Variants in RABGAP1 observed in about 807,000 individuals in gnomAD.
RABGAP1 encodes the protein rab GTPase-activating protein 1.
In RABGAP1, 23 loss-of-function variants were observed where a neutral mutation model predicts 137.6. The observed-to-expected ratio is 0.17, with a 90% CI of 0.12 to 0.24. RABGAP1 has a LOEUF of 0.24. Ranked by LOEUF, RABGAP1 falls within the 10% of genes least tolerant of loss-of-function variation. RABGAP1 has a pLI of 1.00. For synonymous variants in RABGAP1, 451 were observed against 450.7 expected (o/e 1.00, Z -0.01); for missense variants, 906 against 1,275.8 (o/e 0.71, Z 4.42).
At chr9:123,086,648 C>T (rs2034876024) in intron 19 of RABGAP1, among the ~76,000 whole-genome samples, 1 of 129,004 alleles carries the variant, frequency 7.8e-6, no homozygotes, top group Non-Finnish European at 1.6e-5. Flanking sequence ...CCATGAGAAG[C>T]TATGGTGTTT....
intron 10 of RABGAP1, among the ~76,000 whole-genome samples, chr9:122,999,363 G>A (rs754027239): frequency 9.5e-5 from 14 of 147,302 alleles, no homozygotes; most frequent in Non-Finnish European, 1.8e-4. Flanking sequence ...TTTTTTTTTT[G>A]TAATTTTAGT....
rs144267431 is a variant in RABGAP1 at position 123,045,664 on chromosome 9, A to T, written c.1795-19684A>T. ...GTATTATAGGAGTTGGTTTAAGATC[A>T]GTTGCATATTATGTTAATAGTAAGG... On this transcript the variant is annotated intron_variant, in intron 13 of 25. Transcript: ENST00000373647. 5.8e-4 allele frequency among the ~76,000 whole-genome samples: 88 copies of T among 152,296 alleles called. 1 individual carries two copies. In the East Asian group the frequency reaches 0.016, roughly 27 times the overall value.
At chr9:123,016,562 T>TTTA (rs10693315) in intron 12 of RABGAP1, among the ~76,000 whole-genome samples, 115,335 of 151,822 alleles carry the variant, frequency 0.76, 45,645 homozygotes, top group Middle Eastern at 0.89. Flanking sequence ...CCTTTAGGTA[T>TTTA]TTAACATGAC....
At chr9:122,934,943 T>G in the RABGAP1 span, among the ~76,000 whole-genome samples, 1 of 152,220 alleles carries the variant, frequency 6.6e-6, no homozygotes, top group Non-Finnish European at 1.5e-5. Context: ...AGTTTAACCT[T>G]GACTCCTTTC....
intron 1 of RABGAP1, among the ~76,000 whole-genome samples, chr9:122,945,781 C>T (rs1265639600): frequency 6.6e-6 from 1 of 152,178 alleles, no homozygotes; most frequent in African/African-American, 2.4e-5. Flanking sequence ...AAGTGAGTTT[C>T]TGTGGTAACT....
chr9:123,028,549 T>C (rs2032115253), intron 13 of RABGAP1, among the ~76,000 whole-genome samples: 1 of 152,198 alleles, frequency 6.6e-6, no homozygotes. Context: ...ATAACAGATG[T>C]GGTCTTAAAA....
intron 21 of RABGAP1, among the ~76,000 whole-genome samples, chr9:123,094,843 T>C (rs1476398334): frequency 1.3e-5 from 2 of 152,184 alleles, no homozygotes; most frequent in African/African-American, 2.4e-5. Context: ...ATTTTTCGTG[T>C]GTCTGTTGTT....
chr9:123,004,708 A>G (rs960465813), intron 10 of RABGAP1, among the ~76,000 whole-genome samples: 1 of 152,196 alleles, frequency 6.6e-6, no homozygotes, highest in Non-Finnish European at 1.5e-5. Flanking sequence ...ATTTATATGC[A>G]TATATTTTAT....
In RABGAP1 at chr9:123,090,257, T is replaced by C. The variant is rs1378281969; in HGVS notation, c.2518-18T>C. On this transcript the variant is annotated intron_variant, in intron 20 of 25. Coordinates refer to ENST00000373647, the MANE Select transcript of RABGAP1 (RefSeq NM_012197.4). ...CTGATTTTTATGTGTCTGTAACTGG[T>C]TTCTTTCTACCCTTCAGCGGGAGAA... 1.1e-5 allele frequency: 17 copies of C among 1,583,074 alleles called. No individual in the cohort carries two copies. The highest frequency in any genetic ancestry group is 1.5e-5 in the Non-Finnish European group (17 of 1,157,878).
At chr9:122,974,341 A>T (rs1272243146) in intron 2 of RABGAP1, among the ~76,000 whole-genome samples, 1 of 149,392 alleles carries the variant, frequency 6.7e-6, no homozygotes, top group Non-Finnish European at 1.5e-5. Context: ...AAGAACATGG[A>T]GTCAGGACTA....
chr9:123,002,592 G>A (rs1273350546), intron 10 of RABGAP1, among the ~76,000 whole-genome samples: 1 of 151,184 alleles, frequency 6.6e-6, no homozygotes, highest in Non-Finnish European at 1.5e-5. Flanking sequence ...GGGTATAGAA[G>A]AATATATCTT....
At chr9:123,060,222 G>A (rs762407962) in intron 13 of RABGAP1, among the ~76,000 whole-genome samples, 1 of 152,164 alleles carries the variant, frequency 6.6e-6, no homozygotes, top group Admixed American at 6.5e-5. Flanking sequence ...TCTTATATTT[G>A]TGTAAACACC....
intron 1 of RABGAP1, among the ~76,000 whole-genome samples, chr9:122,947,542 A>G (rs1025017356): frequency 2.6e-5 from 4 of 152,202 alleles, no homozygotes; most frequent in Admixed American, 6.5e-5. Context: ...TTAAAGTTTT[A>G]TTTTGTTTTA....
chr9:123,059,177 C>T (rs994170201), intron 13 of RABGAP1, among the ~76,000 whole-genome samples: 2 of 152,132 alleles, frequency 1.3e-5, no homozygotes, highest in Non-Finnish European at 2.9e-5. Context: ...TAATCAGACA[C>T]GGTTGTGCCA....
intron 13 of RABGAP1, among the ~76,000 whole-genome samples, chr9:123,024,882 C>A (rs2031865761): frequency 6.6e-6 from 1 of 152,012 alleles, no homozygotes; most frequent in Non-Finnish European, 1.5e-5. Context: ...TTTACTGATC[C>A]TTTTCATATG....
chr9:123,007,102 T>A (rs533406257), intron 10 of RABGAP1, among the ~76,000 whole-genome samples: 19 of 152,138 alleles, frequency 1.2e-4, no homozygotes, highest in African/African-American at 4.6e-4. Flanking sequence ...TTTTATTTTT[T>A]TTAGACAGAG....
At chr9:123,027,108 C>CTTTT (rs71388345) in intron 13 of RABGAP1, among the ~76,000 whole-genome samples, 23 of 99,988 alleles carry the variant, frequency 2.3e-4, no homozygotes, top group South Asian at 3.6e-4. Context: ...TCTTTCTTTT[C>CTTTT]TTTTTTTTTT....
upstream of RABGAP1, among the ~76,000 whole-genome samples, chr9:122,936,292 G>C (rs961553110): frequency 1.3e-5 from 2 of 152,062 alleles, no homozygotes; most frequent in African/African-American, 4.8e-5. Context: ...GGGTCCCTTA[G>C]GCTTTATTTA....
rs527268755 is a variant in RABGAP1 at position 122,998,836 on chromosome 9, A to G, written c.1374+70A>G. 1.2e-5 allele frequency: 12 copies of G among 1,024,790 alleles called. No homozygotes were observed. The Admixed American group carries it at 1.5e-4, about 13-fold the overall frequency. The allele number at this position is 1,024,790 out of a possible 1,614,324, so 63.5% of individuals were successfully genotyped here. A position where few individuals can be genotyped will look rare whatever the true frequency, so the allele number is the denominator to read the frequency against. On this transcript the variant is annotated intron_variant, in intron 10 of 25. Transcript: ENST00000373647. The stretch of plus-strand genomic sequence containing the variant: ...GAAATCACGTCTGAGGCTGATTTCT[A>G]AGCCCTCAGATCTTTAAACAGTCAT...
Sources: gnomAD v4.1 joint callset for allele counts (sites outside exome capture counted in the v4.1 genomes callset) on GRCh38, gnomAD v4.1.1 for gene constraint, MANE v1.5 for transcripts, NCBI Gene and HGNC (gene_info 2026-07-23, HGNC 2026-07-21) for gene names.